Variants in ZBTB16 observed in about 807,000 individuals in gnomAD.
ZBTB16 encodes the protein zinc finger and BTB domain containing 16, also known as zinc finger and BTB domain-containing protein 16.
In ZBTB16, 8 loss-of-function variants were observed where a neutral mutation model predicts 56.8. The observed-to-expected ratio is 0.14, with a 90% CI of 0.08 to 0.25. The LOEUF is 0.25. Among genes scored for constraint, ZBTB16 ranks in the 10% least tolerant of loss-of-function variants. The probability of loss-of-function intolerance (pLI) is 1.00; values close to 1 mark genes in which losing one functional copy is unlikely to be tolerated. For synonymous variants in ZBTB16, 363 were observed against 368.5 expected (o/e 0.98, Z 0.17); for missense variants, 625 against 903.0 (o/e 0.69, Z 3.95).
rs76520688 is a variant in ZBTB16, at chr11:114,090,358, A to C, written c.1268+25790A>C. 7.9e-5 allele frequency among the ~76,000 whole-genome samples: 12 copies of C among 152,296 alleles called. No individual in the cohort carries two copies. In the East Asian group the frequency reaches 2.3e-3, roughly 29 times the overall value. ...GGGCTGTAACGTGGGGGAAGGATGG[A>C]GGAAGACAGAATGGCCTCTGGAACT... On this transcript the variant is annotated intron_variant, in intron 2 of 6. Coordinates refer to ENST00000335953, the MANE Select transcript of ZBTB16 (RefSeq NM_006006.6).
intron 4 of ZBTB16, among the ~76,000 whole-genome samples, chr11:114,212,050 C>A (rs1415371929): frequency 3.3e-5 from 5 of 152,086 alleles, no homozygotes; most frequent in African/African-American, 1.2e-4. Context: ...AAAGGGTCAT[C>A]TCATGTGTCT....
chr11:114,203,352 G>A (rs1245719555), intron 4 of ZBTB16, among the ~76,000 whole-genome samples: 2 of 152,124 alleles, frequency 1.3e-5, no homozygotes, highest in Non-Finnish European at 2.9e-5. Context: ...GAGTGATGAA[G>A]ATATTCTGGA....
intron 4 of ZBTB16, among the ~76,000 whole-genome samples, chr11:114,217,119 ACACTGTG>A (rs1944120790): frequency 1.3e-5 from 2 of 152,348 alleles, no homozygotes; most frequent in South Asian, 2.1e-4. Context: ...AGAAACAGTG[ACACTGTG>A]GCCTGAGTAG....
chr11:114,246,343 C>G (rs996021637), intron 5 of ZBTB16, among the ~76,000 whole-genome samples: 2 of 152,228 alleles, frequency 1.3e-5, no homozygotes, highest in African/African-American at 4.8e-5. Context: ...TGAATCCCAA[C>G]TCAGCTCCTT....
chr11:114,218,460 G>T (rs1395537052), intron 4 of ZBTB16, among the ~76,000 whole-genome samples: 2 of 152,162 alleles, frequency 1.3e-5, no homozygotes, highest in Non-Finnish European at 2.9e-5. Context: ...CTCCATTTGG[G>T]ATGGGTGGCC....
intron 4 of ZBTB16, among the ~76,000 whole-genome samples, chr11:114,191,431 C>G (rs1943491123): frequency 6.6e-6 from 1 of 152,162 alleles, no homozygotes; most frequent in Non-Finnish European, 1.5e-5. Flanking sequence ...GGTTTGAAGT[C>G]TAGGAACAAT....
At chr11:114,209,941 G>C (rs145941188) in intron 4 of ZBTB16, 8 of 985,438 alleles carry the variant, frequency 8.1e-6, no homozygotes, top group Middle Eastern at 5.2e-4. Context: ...CAGGAACAAA[G>C]AAATTTCTAG....
chr11:114,099,583 C>T (rs1940537197), intron 2 of ZBTB16, among the ~76,000 whole-genome samples: 2 of 152,162 alleles, frequency 1.3e-5, no homozygotes, highest in East Asian at 3.9e-4. Context: ...AAGGCTTAGC[C>T]TGCTGGTGAG....
At position 114,204,380 on chromosome 11, in the gene ZBTB16, T is replaced by C. The variant is rs533788028; in HGVS notation, c.1453+17342T>C. Among the ~76,000 whole-genome samples, 78 of 152,298 alleles carry C rather than the reference T, an allele frequency of 5.1e-4. 1 individual carries two copies. The highest frequency in any genetic ancestry group is 9.1e-4 in the Admixed American group (14 of 15,306). ...GCCTCAAACTCCTGACCTCAGGTGATCCACCCACCTCACCCTCTTAAAGTG... is the reference window on the plus strand; with the variant it reads ...GCCTCAAACTCCTGACCTCAGGTGACCCACCCACCTCACCCTCTTAAAGTG... On this transcript the variant is annotated intron_variant, in intron 4 of 6. Transcript: ENST00000335953.
intron 3 of ZBTB16, among the ~76,000 whole-genome samples, chr11:114,157,311 A>G (rs1419792652): frequency 6.6e-6 from 1 of 152,152 alleles, no homozygotes; most frequent in East Asian, 1.9e-4. Context: ...CCTGTTTGTA[A>G]TATGTGCTGT....
rs73567954 is a variant in ZBTB16 at position 114,227,191 on chromosome 11, G to T, written c.1454-14976G>T. Reference sequence around the variant, plus strand: ...CGGAGCAGCGCTGTCCCTGAGGTCTGCAGGAAAGTCCTGGGGCCCAGGAAG... The same window carrying T: ...CGGAGCAGCGCTGTCCCTGAGGTCTTCAGGAAAGTCCTGGGGCCCAGGAAG... On this transcript the variant is annotated intron_variant, in intron 4 of 6. Transcript: ENST00000335953. 1.4e-3 allele frequency among the ~76,000 whole-genome samples: 216 copies of T among 152,288 alleles called. 2 individuals are homozygous for T. Among genetic ancestry groups the T allele is most frequent in the African/African-American group, 4.9e-3 (205 of 41,554 alleles).
intron 2 of ZBTB16, among the ~76,000 whole-genome samples, chr11:114,074,294 C>T (rs932368046): frequency 6.6e-6 from 1 of 152,214 alleles, no homozygotes; most frequent in Non-Finnish European, 1.5e-5. Context: ...CACGGCTCTC[C>T]TTGCCATAGT....
chr11:114,067,045 C>T (rs1939146058), intron 2 of ZBTB16, among the ~76,000 whole-genome samples: 2 of 152,070 alleles, frequency 1.3e-5, no homozygotes, highest in Admixed American at 6.5e-5. Context: ...GCTGGGATTA[C>T]AGCTGTGAGC....
At chr11:114,179,625 G>A (rs1273077948) in intron 3 of ZBTB16, among the ~76,000 whole-genome samples, 1 of 152,160 alleles carries the variant, frequency 6.6e-6, no homozygotes, top group African/African-American at 2.4e-5. Context: ...ATTAGATGCT[G>A]GCAAACATTA....
intron 2 of ZBTB16, among the ~76,000 whole-genome samples, chr11:114,071,275 T>C (rs1263536233): frequency 3.3e-5 from 5 of 151,338 alleles, no homozygotes; most frequent in Non-Finnish European, 2.9e-5. Flanking sequence ...TACTTTAACC[T>C]GCTTAGGGTT....
chr11:114,250,230 G>C lies in ZBTB16; in HGVS notation c.1793-96G>C. 7.1e-7 allele frequency: 1 copy of C among 1,408,170 alleles called. No homozygotes were observed. The highest frequency in any genetic ancestry group is 2.3e-5 in the East Asian group (1 of 43,868). 87.2% of individuals were successfully genotyped at this position (1,408,170 alleles called of 1,614,324 possible). A position where few individuals can be genotyped will look rare whatever the true frequency, so the allele number is the denominator to read the frequency against. On this transcript the variant is annotated intron_variant, in intron 6 of 6. Coordinates refer to ENST00000335953, the MANE Select transcript of ZBTB16 (RefSeq NM_006006.6). The surrounding 1 kb of genome is among the most constrained non-coding windows in gnomAD (Gnocchi z 6.0). ...TTCTGTTGGAGCAAGCCCAGCTGGA[G>C]GAACCCAGCTTCCCTGGCACGCCTG... is the stretch of plus-strand genomic sequence containing the variant.
At chr11:114,154,140 CATGGAGAAGAG>C (rs1488569282) in intron 2 of ZBTB16, among the ~76,000 whole-genome samples, 3 of 152,186 alleles carry the variant, frequency 2.0e-5, no homozygotes, top group African/African-American at 7.2e-5. Flanking sequence ...TTGGAACCCT[CATGGAGAAGAG>C]ATGGGAGCCC....
intron 3 of ZBTB16, among the ~76,000 whole-genome samples, chr11:114,167,126 G>A (rs968841999): frequency 6.6e-6 from 1 of 151,920 alleles, no homozygotes; most frequent in African/African-American, 2.4e-5. Context: ...ACTGGCTTGC[G>A]GGTGTTTTAA....
At chr11:114,146,719 C>A (rs556614670) in intron 2 of ZBTB16, among the ~76,000 whole-genome samples, 1 of 151,842 alleles carries the variant, frequency 6.6e-6, no homozygotes. Flanking sequence ...CATGGTGGCT[C>A]ATGCCTGTAG....
Sources: gnomAD v4.1 joint callset for allele counts (sites outside exome capture counted in the v4.1 genomes callset) on GRCh38, gnomAD v4.1.1 for gene constraint, Gnocchi (gnomAD v3.1) non-coding constraint, MANE v1.5 for transcripts, NCBI Gene and HGNC (gene_info 2026-07-23, HGNC 2026-07-21) for gene names.